Variants in CUZD1 observed in about 807,000 individuals in gnomAD.
The protein encoded by CUZD1 is CUB and zona pellucida-like domain-containing protein 1.
CUZD1 carries 42 observed loss-of-function variants against 53.1 expected under a neutral mutation model. The observed-to-expected ratio is 0.79, with a 90% confidence interval of 0.62 to 1.02. CUZD1 has a LOEUF of 1.02. CUZD1 is among the 50% of genes least tolerant of loss of function. The probability of loss-of-function intolerance (pLI) is 0.00; values close to 1 mark genes in which losing one functional copy is unlikely to be tolerated. For missense variants in CUZD1, 670 were observed against 715.7 expected (o/e 0.94, Z 0.73); for synonymous variants, 238 against 257.2 (o/e 0.93, Z 0.71).
At position 122,839,178 on chromosome 10, in the gene CUZD1, G is replaced by A. The variant is rs146535754; in HGVS notation, c.287C>T (p.Thr96Ile). 7.0e-5 allele frequency: 113 copies of A among 1,614,100 alleles called. 1 individual carries two copies. The highest frequency in any genetic ancestry group is 5.1e-4 in the African/African-American group (38 of 75,030). Residue 96 changes from threonine (T) to isoleucine (I), a missense_variant, in exon 3 of 9, where the codon ACC (threonine) becomes ATC (isoleucine). Physicochemically the swap from Thr to Ile is moderately conservative, Grantham distance 89 (BLOSUM62 -1). Transcript: ENST00000392790. ...ESENIKVFDG[T>I]SSNGPLLGQV... ...CCCTAGCAGAGGCCCATTGCTGGAG[G>A]TTCCGTCAAAGACTTTAATGTTTTC...
In CUZD1 at chr10:122,840,308, T is replaced by C. The variant is rs79060897; in HGVS notation, c.233+870A>G. 1.0e-2 allele frequency among the ~76,000 whole-genome samples: 1,517 copies of C among 152,184 alleles called. 28 individuals carry two copies. Among genetic ancestry groups the C allele is most frequent in the East Asian group, 0.034 (177 of 5,174 alleles). ...GATTCTCAGGTCCCACACACTCCAT[T>C]TGAATAAGACAATAGAGACTTTGGT... On this transcript the variant is annotated intron_variant, in intron 2 of 8. Transcript: ENST00000392790.
chr10:122,836,091 A>C, intron 6 of CUZD1, 87 bp downstream of exon 6: 2 of 1,287,398 alleles, frequency 1.6e-6, no homozygotes, highest in Non-Finnish European at 2.1e-6. Flanking sequence ...GTCGTTTGTT[A>C]CAGCAGCTAG....
Position 122,841,106 on chromosome 10 carries a change from A to G in CUZD1, c.233+72T>C, listed in dbSNP as rs527873181. The G allele has an allele frequency of 1.3e-5, 18 of 1,399,960 alleles. No homozygotes were observed. In the East Asian group the frequency reaches 1.4e-4, roughly 11 times the overall value. 86.7% of individuals were successfully genotyped at this position (1,399,960 alleles called of 1,614,324 possible). A position where few individuals can be genotyped will look rare whatever the true frequency, so the allele number is the denominator to read the frequency against. ...AGCAGCAGCTGAATTCTTTCTACAG[A>G]GAGTCCCCCTACCCACCCCAATGTG... On this transcript the variant is annotated intron_variant, in intron 2 of 8. Transcript: ENST00000392790.
chr10:122,839,496 T>G (rs1485647433), intron 2 of CUZD1, among the ~76,000 whole-genome samples: 1 of 152,230 alleles, frequency 6.6e-6, no homozygotes, highest in Non-Finnish European at 1.5e-5. Context: ...TCAGAATTCC[T>G]TTCCTTCTAC....
chr10:122,837,040 A>G lies in CUZD1; in HGVS notation c.608T>C (p.Ile203Thr), dbSNP rs148411775. ...KLNFKEIFLEIDKQCKFDFLA... is the reference protein window; with the variant it reads ...KLNFKEIFLETDKQCKFDFLA... Reference sequence around the variant, plus strand: ...AAAATCAAATTTGCACTGTTTGTCTATTTCTAGGCTAGAGAATGAGGGCCT... The same window carrying G: ...AAAATCAAATTTGCACTGTTTGTCTGTTTCTAGGCTAGAGAATGAGGGCCT... The change falls in exon 5 of 9, where the codon ATA becomes ACA. Residue 203 changes from isoleucine to threonine, a missense_variant. Transcript: ENST00000392790. The G allele has an allele frequency of 5.6e-6, 9 of 1,610,026 alleles. No individual in the cohort carries two copies. The highest frequency in any genetic ancestry group is 2.7e-5 in the African/African-American group (2 of 74,854).
At chr10:122,845,321 C>A (rs1847419248) in intron 1 of CUZD1, among the ~76,000 whole-genome samples, 1 of 152,148 alleles carries the variant, frequency 6.6e-6, no homozygotes, top group African/African-American at 2.4e-5. Flanking sequence ...GTGATCCACC[C>A]ACCTTGGCCT....
chr10:122,843,657 A>C (rs1042189508), intron 1 of CUZD1, among the ~76,000 whole-genome samples: 8 of 151,994 alleles, frequency 5.3e-5, no homozygotes, highest in Non-Finnish European at 8.8e-5. Flanking sequence ...GAAATACCAC[A>C]TATTACATGA....
chr10:122,836,233 A>C lies in CUZD1; in HGVS notation c.935T>G (p.Leu312Ter). The C allele has an allele frequency of 6.2e-7, 1 of 1,612,716 alleles. No individual in the cohort carries two copies. The highest frequency in any genetic ancestry group is 1.3e-5 in the African/African-American group (1 of 74,902). ...QLKDPTCRPK[L>*]SNVVEFSVPL... ...GACAGAAAATTCCACAACATTTGAT[A>C]ATTTTGGTCTGCAAGTTGGGTCTTT... Residue 312 changes from leucine to a stop codon, truncating the protein, a stop_gained, in exon 6 of 9, where the codon TTA (leucine) becomes TGA (stop). Coordinates refer to ENST00000392790, the MANE Select transcript of CUZD1 (RefSeq NM_022034.6). LOFTEE classifies it high-confidence loss of function.
chr10:122,842,143 T>C (rs1474800928), intron 1 of CUZD1, among the ~76,000 whole-genome samples: 1 of 152,218 alleles, frequency 6.6e-6, no homozygotes, highest in African/African-American at 2.4e-5. Flanking sequence ...AATTTAGTAA[T>C]AGTTTCTTTT....
In CUZD1 at chr10:122,837,574, G is replaced by C; in HGVS notation, c.449-20C>G. On this transcript the variant is annotated intron_variant, in intron 3 of 8. Coordinates refer to ENST00000392790, the MANE Select transcript of CUZD1 (RefSeq NM_022034.6). ...GAATAGCTGAAATGGATGTGAAGGTGGTCAAGAATGAACATCAAAATAGAG... is the reference window on the plus strand; with the variant it reads ...GAATAGCTGAAATGGATGTGAAGGTCGTCAAGAATGAACATCAAAATAGAG... 1 of 1,534,284 alleles carries C rather than the reference G, an allele frequency of 6.5e-7. No individual in the cohort carries two copies. Among genetic ancestry groups the C allele is most frequent in the Non-Finnish European group, 8.7e-7 (1 of 1,146,114 alleles).
intron 1 of CUZD1, among the ~76,000 whole-genome samples, chr10:122,845,327 G>T (rs931775819): frequency 1.3e-5 from 2 of 152,046 alleles, no homozygotes; most frequent in African/African-American, 4.8e-5. Context: ...CACCCACCTT[G>T]GCCTCCCAAA....
chr10:122,845,509 C>CT (rs1847423217), intron 1 of CUZD1, among the ~76,000 whole-genome samples: 1 of 152,104 alleles, frequency 6.6e-6, no homozygotes, highest in African/African-American at 2.4e-5. Flanking sequence ...CACTTTTATG[C>CT]TTATTTCCAA....
intron 1 of CUZD1, among the ~76,000 whole-genome samples, chr10:122,844,484 T>A (rs1847401394): frequency 6.6e-6 from 1 of 152,084 alleles, no homozygotes; most frequent in South Asian, 2.1e-4. Context: ...TTAATAAAGC[T>A]GTTATTAAAA....
rs1847195744 is a variant in CUZD1, at chr10:122,833,715, T to C, written c.1608A>G (p.Gly536=). Residue 536 remains glycine, a synonymous_variant, in exon 8 of 9, where the codon GGA becomes GGG. Coordinates refer to ENST00000392790, the MANE Select transcript of CUZD1 (RefSeq NM_022034.6). ...SYKWKTDSII[G]PIRLKRDRSA... Reference sequence around the variant, plus strand: ...TTCGATCCCTTTTCAGACGAATGGGTCCTATGATGGAATCTGTTTTCCATT... The same window carrying C: ...TTCGATCCCTTTTCAGACGAATGGGCCCTATGATGGAATCTGTTTTCCATT... The C allele has an allele frequency of 6.2e-7, 1 of 1,613,748 alleles. No homozygotes were observed. Among genetic ancestry groups the C allele is most frequent in the Admixed American group, 1.7e-5 (1 of 59,992 alleles).
At chr10:122,833,151 G>A (rs1250737182) in intron 8 of CUZD1, among the ~76,000 whole-genome samples, 2 of 152,032 alleles carry the variant, frequency 1.3e-5, no homozygotes, top group Non-Finnish European at 2.9e-5. Flanking sequence ...AACCTTCCTT[G>A]AGTATTTACC....
At chr10:122,832,853 T>C (rs904640259) in intron 8 of CUZD1, among the ~76,000 whole-genome samples, 9 of 152,228 alleles carry the variant, frequency 5.9e-5, no homozygotes, top group African/African-American at 1.9e-4. Flanking sequence ...TTGATGGTAT[T>C]TCCATAATGA....
Position 122,835,093 on chromosome 10 carries a change from T to C in CUZD1, c.995A>G (p.Glu332Gly), listed in dbSNP as rs1393123457. Residue 332 changes from glutamate to glycine, a missense_variant, in exon 7 of 9, where the codon GAA becomes GGA. By Grantham distance (98) the Glu-to-Gly change is moderately conservative. Transcript: ENST00000392790. ...ATTGGTGTAAGTAATTGACTGATCT[T>C]CTACCTGCAGAACGAGATAGAATTC... is the stretch of plus-strand genomic sequence containing the variant. ...LNGCGTIRKVEDQSITYTNII... is the reference protein window; with the variant it reads ...LNGCGTIRKVGDQSITYTNII... The C allele has an allele frequency of 1.9e-6, 3 of 1,557,316 alleles. No individual in the cohort carries two copies. The highest frequency in any genetic ancestry group is 2.6e-6 in the Non-Finnish European group (3 of 1,152,074).
rs1408905630 is a variant in CUZD1 at position 122,845,644 on chromosome 10, G to C, written c.82+118C>G. 5 of 691,036 alleles carry C rather than the reference G, an allele frequency of 7.2e-6. No individual in the cohort carries two copies. In the South Asian group the frequency reaches 9.9e-5, roughly 14 times the overall value. 42.8% of individuals were successfully genotyped at this position (691,036 alleles called of 1,614,324 possible). On this transcript the variant is annotated intron_variant, in intron 1 of 8. Coordinates refer to ENST00000392790, the MANE Select transcript of CUZD1 (RefSeq NM_022034.6). ...TAAAATCCCCTCCAAGAGCATTAGAGTACATTTTTCTCTGAACTGGGGCCA... is the reference window on the plus strand; with the variant it reads ...TAAAATCCCCTCCAAGAGCATTAGACTACATTTTTCTCTGAACTGGGGCCA...
intron 4 of CUZD1, 152 bp from the exon 5 acceptor site, chr10:122,837,200 A>G (rs1203150224): frequency 6.1e-6 from 5 of 824,558 alleles, no homozygotes; most frequent in African/African-American, 1.7e-5. Context: ...GGGTTTTGAT[A>G]GTCTCTGACA....
Sources: gnomAD v4.1 joint callset for allele counts (sites outside exome capture counted in the v4.1 genomes callset) on GRCh38, gnomAD v4.1.1 for gene constraint, MANE v1.5 for transcripts, NCBI Gene and HGNC (gene_info 2026-07-23, HGNC 2026-07-21) for gene names.